The following CFAP52 variants were observed in gnomAD, a reference collection of about 807,000 sequenced individuals.
The protein encoded by CFAP52 is cilia- and flagella-associated protein 52.
A neutral mutation model predicts 70.5 loss-of-function variants in CFAP52; 57 were observed. The observed-to-expected ratio is 0.81, with a 90% CI of 0.65 to 1.01. The LOEUF is 1.01. Among genes scored for constraint, CFAP52 ranks in the 50% least tolerant of loss-of-function variants. The pLI is 0.00. For synonymous variants in CFAP52, 267 were observed against 292.5 expected, an observed-to-expected ratio of 0.91 and a Z score of 0.89; for missense variants, 785 against 788.5, an observed-to-expected ratio of 1.00 and a Z score of 0.05.
chr17:9,635,326 G>A, intron 10 of CFAP52, 79 bp from the exon 11 acceptor site: 1 of 1,572,028 alleles, frequency 6.4e-7, no homozygotes, highest in Non-Finnish European at 8.6e-7. Context: ...TAGCAAAGGG[G>A]AAAAAGCTCT....
rs370740585 is a variant in CFAP52 at position 9,643,233 on chromosome 17, C to T, written c.*35C>T. ...GATGTCTCTGAGCCTTGGCGTTGCA[C>T]GCAGTCCTGTTGAAGACTGAGTTTA... On this transcript the variant is annotated 3_prime_UTR_variant, in exon 14 of 14. Transcript: ENST00000352665. 1,710 of 1,538,172 alleles carry T rather than the reference C, an allele frequency of 1.1e-3. 5 individuals carry two copies. The highest frequency in any genetic ancestry group is 1.4e-3 in the Non-Finnish European group (1,560 of 1,137,596).
intron 3 of CFAP52, among the ~76,000 whole-genome samples, chr17:9,588,909 C>T (rs1418853058): frequency 6.6e-6 from 1 of 151,638 alleles, no homozygotes; most frequent in Non-Finnish European, 1.5e-5. Flanking sequence ...TTGAGACCAA[C>T]CTGGCCAACC....
chr17:9,608,497 C>A (rs1371570535), intron 7 of CFAP52, among the ~76,000 whole-genome samples: 1 of 152,122 alleles, frequency 6.6e-6, no homozygotes, highest in African/African-American at 2.4e-5. Context: ...ACACATTGAG[C>A]CATGATGAAA....
At chr17:9,586,616 T>C in intron 2 of CFAP52, 82 bp from the exon 3 acceptor site, 1 of 1,462,962 alleles carries the variant, frequency 6.8e-7, no homozygotes, top group Non-Finnish European at 9.0e-7. Flanking sequence ...CAGTACTAAT[T>C]GTTTTTCACC....
intron 1 of CFAP52, among the ~76,000 whole-genome samples, chr17:9,579,143 G>A (rs1290318724): frequency 6.6e-6 from 1 of 152,146 alleles, no homozygotes; most frequent in African/African-American, 2.4e-5. Flanking sequence ...GTTTACAAAA[G>A]TGATTGAGTT....
chr17:9,634,575 G>A (rs987222528), intron 10 of CFAP52, among the ~76,000 whole-genome samples: 1 of 151,312 alleles, frequency 6.6e-6, no homozygotes, highest in African/African-American at 2.4e-5. Flanking sequence ...GGGTGACAGA[G>A]CGACATTTTG....
intron 6 of CFAP52, among the ~76,000 whole-genome samples, chr17:9,605,694 GAA>G (rs56157011): frequency 3.5e-5 from 2 of 56,960 alleles, no homozygotes; most frequent in South Asian, 8.4e-4. Flanking sequence ...GACTCCATCT[GAA>G]AAAAAAAAAA....
chr17:9,627,120 T>C (rs1332219938), intron 8 of CFAP52, among the ~76,000 whole-genome samples: 1 of 152,092 alleles, frequency 6.6e-6, no homozygotes, highest in African/African-American at 2.4e-5. Flanking sequence ...GCCTTTTTTT[T>C]TTTTTTTGAG....
intron 9 of CFAP52, among the ~76,000 whole-genome samples, chr17:9,632,202 C>G (rs927244153): frequency 6.6e-6 from 1 of 151,652 alleles, no homozygotes; most frequent in East Asian, 1.9e-4. Flanking sequence ...TTCAGCCTCC[C>G]GAGTAGCTAG....
intron 8 of CFAP52, among the ~76,000 whole-genome samples, chr17:9,623,092 C>G (rs890858762): frequency 2.6e-5 from 4 of 152,090 alleles, no homozygotes; most frequent in African/African-American, 9.7e-5. Flanking sequence ...TTATTTCTCA[C>G]AGTTTTTGTT....
intron 3 of CFAP52, among the ~76,000 whole-genome samples, chr17:9,593,610 C>T (rs1908863077): frequency 1.3e-5 from 2 of 152,062 alleles, no homozygotes; most frequent in Admixed American, 6.6e-5. Context: ...TGTGTGCCAC[C>T]ACATCCAGCT....
At chr17:9,606,985 T>C (rs901247602) in intron 6 of CFAP52, among the ~76,000 whole-genome samples, 2 of 152,202 alleles carry the variant, frequency 1.3e-5, no homozygotes, top group Admixed American at 6.5e-5. Context: ...GGATATTTGT[T>C]TTATCATATT....
intron 8 of CFAP52, among the ~76,000 whole-genome samples, chr17:9,614,157 C>CTTTTT (rs11347755): frequency 7.4e-5 from 7 of 93,978 alleles, no homozygotes; most frequent in African/African-American, 1.9e-4. Context: ...TTCTTTCTTT[C>CTTTTT]TTTTTTTTTT....
At chr17:9,633,091 G>T in intron 10 of CFAP52, 58 bp downstream of exon 10, 1 of 1,554,686 alleles carries the variant, frequency 6.4e-7, no homozygotes, top group Non-Finnish European at 8.7e-7. Flanking sequence ...TGCCCTATAG[G>T]AAGCCATCTA....
chr17:9,639,698 A>G (rs974326266), intron 12 of CFAP52, among the ~76,000 whole-genome samples: 1 of 152,122 alleles, frequency 6.6e-6, no homozygotes, highest in Non-Finnish European at 1.5e-5. Context: ...AACTGGTGAC[A>G]TGATACTGGC....
intron 12 of CFAP52, chr17:9,639,132 A>ACGGCG: frequency 6.4e-6 from 1 of 156,312 alleles, no homozygotes; most frequent in Admixed American, 6.4e-5. Context: ...TCAATACATT[A>ACGGCG]AAAATCTACA....
Position 9,585,574 on chromosome 17 carries a change from A to G in CFAP52, c.71-199A>G, listed in dbSNP as rs202134055. ...TAATCCCAGCTACTCGGGAGGCTGA[A>G]GCAGGAGAATCACTTGAACCCAGGA... is the stretch of plus-strand genomic sequence containing the variant. On this transcript the variant is annotated intron_variant, in intron 1 of 13. Coordinates refer to ENST00000352665, the MANE Select transcript of CFAP52 (RefSeq NM_145054.5). Among the ~76,000 whole-genome samples, 14 of 150,382 alleles carry G rather than the reference A, an allele frequency of 9.3e-5. No individual in the cohort carries two copies. The South Asian group carries it at 1.1e-3, about 11-fold the overall frequency.
rs375042493 is a variant in CFAP52 at position 9,634,533 on chromosome 17, C to T, written c.1321-872C>T. ...TGGTGAGTTGGAGGTTGCAGTGAGC[C>T]GAGACCACGCCATTGCATTGCACTC... On this transcript the variant is annotated intron_variant, in intron 10 of 13. Transcript: ENST00000352665. Among the ~76,000 whole-genome samples the T allele has an allele frequency of 3.0e-3, 446 of 150,936 alleles. 4 individuals are homozygous for T. The highest frequency in any genetic ancestry group is 0.01 in the Middle Eastern group (3 of 294).
chr17:9,623,997 T>C lies in CFAP52; in HGVS notation c.1026-4675T>C, dbSNP rs1023656383. Among the ~76,000 whole-genome samples, 67 of 152,234 alleles carry C rather than the reference T, an allele frequency of 4.4e-4. 1 individual carries two copies. The highest frequency in any genetic ancestry group is 7.3e-5 in the Non-Finnish European group (5 of 68,040). ...AGAATTCTTGCCCGATTATTTTCTA[T>C]TTATTCATTAGTTTGAATACATCAT... On this transcript the variant is annotated intron_variant, in intron 8 of 13. Transcript: ENST00000352665.
Sources: gnomAD v4.1 joint callset for allele counts (sites outside exome capture counted in the v4.1 genomes callset) on GRCh38, gnomAD v4.1.1 for gene constraint, MANE v1.5 for transcripts, NCBI Gene and HGNC (gene_info 2026-07-23, HGNC 2026-07-21) for gene names.